Variants in PTPRG observed in about 807,000 individuals in gnomAD.
PTPRG encodes protein tyrosine phosphatase receptor type G.
In PTPRG, 102 loss-of-function variants were observed where a neutral mutation model predicts 165.3. The observed-to-expected ratio is 0.62, with a 90% CI of 0.53 to 0.73. PTPRG has a LOEUF of 0.73. Ranked by LOEUF, PTPRG falls within the 30% of genes least tolerant of loss-of-function variation. The pLI, the probability that PTPRG is intolerant of heterozygous loss-of-function variation, is 0.00. For synonymous variants in PTPRG, 675 were observed against 669.5 expected, an observed-to-expected ratio of 1.01 and a Z score of -0.13; for missense variants, 1,866 against 1,861.4, an observed-to-expected ratio of 1.00 and a Z score of -0.05.
chr3:61,757,961 CTG>C (rs995174706), intron 2 of PTPRG, among the ~76,000 whole-genome samples: 3 of 152,202 alleles, frequency 2.0e-5, no homozygotes, highest in African/African-American at 7.2e-5. Flanking sequence ...TGCATGTGCT[CTG>C]TGATTTACTT....
At chr3:62,092,678 A>G (rs1390603725) in intron 5 of PTPRG, among the ~76,000 whole-genome samples, 5 of 152,196 alleles carry the variant, frequency 3.3e-5, no homozygotes, top group Non-Finnish European at 5.9e-5. Context: ...TTTGGAAAAT[A>G]GGACCAGTAA....
intron 2 of PTPRG, among the ~76,000 whole-genome samples, chr3:61,907,472 G>A (rs1439611951): frequency 2.0e-5 from 3 of 152,118 alleles, no homozygotes; most frequent in Admixed American, 6.5e-5. Context: ...TGGTACTCAC[G>A]ATGAAATCTC....
At chr3:61,779,895 T>C (rs770548495) in intron 2 of PTPRG, among the ~76,000 whole-genome samples, 13 of 152,194 alleles carry the variant, frequency 8.5e-5, no homozygotes, top group Non-Finnish European at 1.5e-4. Flanking sequence ...CCATGTCCGA[T>C]AGCGAGCAGC....
At chr3:61,744,338 T>G (rs1310681750) in intron 1 of PTPRG, among the ~76,000 whole-genome samples, 2 of 152,208 alleles carry the variant, frequency 1.3e-5, no homozygotes, top group Non-Finnish European at 2.9e-5. Context: ...CCTCAGACGC[T>G]TTTGTTGTGC....
Position 62,224,721 on chromosome 3 carries a change from C to G in PTPRG, c.2288+5738C>G, listed in dbSNP as rs539483900. Reference sequence around the variant, plus strand: ...GGATACCTGTATGTCTGAGAGACCTCAGACATCAGTCTCATCGGGGACTAT... The same window carrying G: ...GGATACCTGTATGTCTGAGAGACCTGAGACATCAGTCTCATCGGGGACTAT... On this transcript the variant is annotated intron_variant, in intron 13 of 29. Coordinates refer to ENST00000474889, the MANE Select transcript of PTPRG (RefSeq NM_002841.4). The surrounding 1 kb of genome is among the most constrained non-coding windows in gnomAD (Gnocchi z 4.9). Among the ~76,000 whole-genome samples the G allele has an allele frequency of 6.6e-6, 1 of 152,300 alleles. No homozygotes were observed. The highest frequency in any genetic ancestry group is 2.1e-4 in the South Asian group (1 of 4,826).
chr3:61,842,684 CAAAAAAAA>C (rs199500194), intron 2 of PTPRG, among the ~76,000 whole-genome samples: 28 of 121,606 alleles, frequency 2.3e-4, no homozygotes, highest in South Asian at 2.7e-4. Flanking sequence ...GTATGTGTGG[CAAAAAAAA>C]AAAAAAAAAA....
chr3:62,005,234 T>A (rs986996065), intron 4 of PTPRG, among the ~76,000 whole-genome samples: 85 of 152,326 alleles, frequency 5.6e-4, no homozygotes, highest in Non-Finnish European at 1.2e-3. Flanking sequence ...AACGATATCT[T>A]TCATGAGTTG....
At chr3:61,632,316 CAT>C (rs1258013088) in intron 1 of PTPRG, among the ~76,000 whole-genome samples, 1 of 94,998 alleles carries the variant, frequency 1.1e-5, no homozygotes, top group African/African-American at 6.2e-5. Flanking sequence ...TACACACGCA[CAT>C]ACACACACAC....
intron 2 of PTPRG, among the ~76,000 whole-genome samples, chr3:61,831,678 T>G (rs2107295440): frequency 6.6e-6 from 1 of 152,318 alleles, no homozygotes; most frequent in South Asian, 2.1e-4. Context: ...ATGGATGAGT[T>G]AGGAAAATGC....
intron 4 of PTPRG, among the ~76,000 whole-genome samples, chr3:62,061,831 C>T (rs548417698): frequency 5.0e-4 from 75 of 151,442 alleles, no homozygotes; most frequent in African/African-American, 1.5e-3. Context: ...GGTTTCACCA[C>T]GTTGGCCAGG....
In PTPRG at chr3:61,738,324, A is replaced by ATATGTG. The variant is rs1353314354; in HGVS notation, c.86-10551_86-10550insGTGTAT. On this transcript the variant is annotated intron_variant, in intron 1 of 29. Coordinates refer to ENST00000474889, the MANE Select transcript of PTPRG (RefSeq NM_002841.4). ...TATATATATATATACATATATATAT[A>ATATGTG]TATATATATATATGTATATATATAT... Among the ~76,000 whole-genome samples, 57 of 93,650 alleles carry ATATGTG rather than the reference A, an allele frequency of 6.1e-4. 7 individuals carry two copies. The highest frequency in any genetic ancestry group is 1.6e-3 in the East Asian group (6 of 3,706). 61.4% of individuals were successfully genotyped at this position (93,650 alleles called of 152,430 possible). A position where few individuals can be genotyped will look rare whatever the true frequency, so the allele number is the denominator to read the frequency against.
At chr3:61,816,496 C>T (rs1026508393) in intron 2 of PTPRG, among the ~76,000 whole-genome samples, 2 of 152,280 alleles carry the variant, frequency 1.3e-5, no homozygotes, top group South Asian at 2.1e-4. Context: ...TGCGCCACTG[C>T]ACTCCAGCTT....
chr3:62,277,106 C>T, intron 25 of PTPRG, 58 bp downstream of exon 25: 2 of 1,278,506 alleles, frequency 1.6e-6, no homozygotes, highest in Admixed American at 1.8e-5. Flanking sequence ...TGTTAAAGAG[C>T]AGATACCACC....
intron 2 of PTPRG, among the ~76,000 whole-genome samples, chr3:61,839,567 G>A (rs1262202454): frequency 6.6e-6 from 1 of 152,110 alleles, no homozygotes; most frequent in Non-Finnish European, 1.5e-5. Flanking sequence ...GACTTGAACT[G>A]AAAAGATAGG....
chr3:61,622,375 A>G (rs985437441), intron 1 of PTPRG, among the ~76,000 whole-genome samples: 8 of 152,152 alleles, frequency 5.3e-5, no homozygotes, highest in African/African-American at 1.9e-4. Context: ...ATTTGTAATT[A>G]GTGCCTAACA....
intron 5 of PTPRG, among the ~76,000 whole-genome samples, chr3:62,082,828 A>G (rs2106769865): frequency 6.6e-6 from 1 of 152,356 alleles, no homozygotes; most frequent in East Asian, 1.9e-4. Context: ...TGGCCCAGAC[A>G]GCTCTAGAAG....
At chr3:61,672,052 T>C (rs1175513002) in intron 1 of PTPRG, among the ~76,000 whole-genome samples, 46 of 130,722 alleles carry the variant, frequency 3.5e-4, no homozygotes, top group Admixed American at 1.4e-3. Context: ...ACGGGGCGGC[T>C]GGGCAGAGAC....
intron 2 of PTPRG, among the ~76,000 whole-genome samples, chr3:61,809,754 A>T (rs2107203978): frequency 6.6e-6 from 1 of 152,322 alleles, no homozygotes; most frequent in Non-Finnish European, 1.5e-5. Context: ...TGTGGACCAG[A>T]TAATTAAGGC....
intron 4 of PTPRG, among the ~76,000 whole-genome samples, chr3:62,055,807 T>A (rs1700614046): frequency 6.6e-6 from 1 of 152,232 alleles, no homozygotes; most frequent in East Asian, 1.9e-4. Context: ...TGTGTCCACA[T>A]TTCCCTAATT....
Sources: gnomAD v4.1 joint callset for allele counts (sites outside exome capture counted in the v4.1 genomes callset) on GRCh38, gnomAD v4.1.1 for gene constraint, Gnocchi (gnomAD v3.1) non-coding constraint, MANE v1.5 for transcripts, NCBI Gene and HGNC (gene_info 2026-07-23, HGNC 2026-07-21) for gene names.